Variants in DYNC2H1 observed in about 807,000 individuals in gnomAD.
DYNC2H1 encodes the protein cytoplasmic dynein 2 heavy chain 1.
Under a neutral mutation model 570.0 loss-of-function variants are expected in DYNC2H1, and 410 were observed. The ratio of observed to expected loss-of-function variants is 0.72; its 90% CI spans 0.66 to 0.78. The LOEUF (loss-of-function observed/expected upper bound fraction) is 0.78. Among genes scored for constraint, DYNC2H1 ranks in the 30% least tolerant of loss-of-function variants. The pLI is 0.00. For synonymous variants in DYNC2H1, 1,688 were observed against 1,677.6 expected (o/e 1.01, Z -0.15); for missense variants, 4,865 against 5,046.4 (o/e 0.96, Z 1.09).
At chr11:103,291,778 G>A (rs1866610093) in intron 75 of DYNC2H1, among the ~76,000 whole-genome samples, 1 of 152,126 alleles carries the variant, frequency 6.6e-6, no homozygotes, top group Non-Finnish European at 1.5e-5. Context: ...AAATTCTGCT[G>A]AATTGACTTC....
At chr11:103,124,445 C>CAAA (rs34997507) in intron 11 of DYNC2H1, among the ~76,000 whole-genome samples, 68 of 71,330 alleles carry the variant, frequency 9.5e-4, no homozygotes, top group South Asian at 3.3e-3. Flanking sequence ...TACCCTGTCT[C>CAAA]AAAAAAAAAA....
intron 84 of DYNC2H1, chr11:103,407,575 T>G (rs1039081686): frequency 2.0e-5 from 3 of 151,948 alleles, no homozygotes; most frequent in Admixed American, 6.6e-5. Flanking sequence ...CTGTTGGAAT[T>G]CGTAAAAACA....
chr11:103,392,432 A>T (rs1367113668), intron 83 of DYNC2H1, among the ~76,000 whole-genome samples: 2 of 152,026 alleles, frequency 1.3e-5, no homozygotes, highest in African/African-American at 4.8e-5. Flanking sequence ...GAATTCCCTG[A>T]CCCCTTGCGC....
Position 103,363,959 on chromosome 11 carries a change from A to G in DYNC2H1, c.12156+5600A>G, listed in dbSNP as rs977489588. Reference sequence around the variant, plus strand: ...CCAATGTAATAGGAGTCTTTTTTCCATATGAGGACCTTGAAGCTCCATAAG... The same window carrying G: ...CCAATGTAATAGGAGTCTTTTTTCCGTATGAGGACCTTGAAGCTCCATAAG... On this transcript the variant is annotated intron_variant, in intron 83 of 88. Coordinates refer to ENST00000375735, the MANE Select transcript of DYNC2H1 (RefSeq NM_001377.3). This position sits in a 1 kb window ranked among gnomAD's most constrained non-coding sequence, Gnocchi z 5.6. Among the ~76,000 whole-genome samples, 2 of 152,178 alleles carry G rather than the reference A, an allele frequency of 1.3e-5. No homozygotes were observed. The highest frequency in any genetic ancestry group is 2.4e-5 in the African/African-American group (1 of 41,442).
At chr11:103,347,361 G>A (rs1471946881) in intron 82 of DYNC2H1, among the ~76,000 whole-genome samples, 1 of 152,034 alleles carries the variant, frequency 6.6e-6, no homozygotes, top group Non-Finnish European at 1.5e-5. Context: ...ATATGGACTG[G>A]GTATTATGTG....
rs1011881827 is a variant in DYNC2H1 at position 103,133,415 on chromosome 11, A to G, written c.1954-140A>G. 2.9e-4 allele frequency: 207 copies of G among 714,100 alleles called. 2 individuals carry two copies. Among genetic ancestry groups the G allele is most frequent in the Non-Finnish European group, 2.2e-4 (103 of 464,686 alleles). The allele number at this position is 714,100 out of a possible 1,614,324, so 44.2% of individuals were successfully genotyped here. Reference sequence around the variant, plus strand: ...TCAATCTTTGCCAGACTGCCTTATCATTTATAAAATGGAAAATTATTATGT... The same window carrying G: ...TCAATCTTTGCCAGACTGCCTTATCGTTTATAAAATGGAAAATTATTATGT... On this transcript the variant is annotated intron_variant, in intron 13 of 88. Coordinates refer to ENST00000375735, the MANE Select transcript of DYNC2H1 (RefSeq NM_001377.3). This position sits in a 1 kb window ranked among gnomAD's most constrained non-coding sequence, Gnocchi z 4.8.
At chr11:103,450,907 T>C (rs944007774) in intron 85 of DYNC2H1, among the ~76,000 whole-genome samples, 5 of 152,200 alleles carry the variant, frequency 3.3e-5, no homozygotes, top group African/African-American at 1.2e-4. Context: ...ATTTAAATAA[T>C]GTTTTTATAT....
intron 84 of DYNC2H1, among the ~76,000 whole-genome samples, chr11:103,426,138 A>G (rs1943664029): frequency 6.6e-6 from 1 of 152,218 alleles, no homozygotes; most frequent in South Asian, 2.1e-4. Context: ...CCTGCTGCAG[A>G]TAACTAGTCA....
intron 6 of DYNC2H1, among the ~76,000 whole-genome samples, chr11:103,120,067 A>C (rs1001907099): frequency 6.6e-6 from 1 of 152,234 alleles, no homozygotes; most frequent in Non-Finnish European, 1.5e-5. Context: ...AATTTAATGC[A>C]GAATAATGAA....
Position 103,252,908 on chromosome 11 carries a change from C to T in DYNC2H1, c.10043-377C>T, listed in dbSNP as rs1448853442. Among the ~76,000 whole-genome samples the T allele has an allele frequency of 6.6e-6, 1 of 152,054 alleles. No homozygotes were observed. The highest frequency in any genetic ancestry group is 2.4e-5 in the African/African-American group (1 of 41,410). On this transcript the variant is annotated intron_variant, in intron 65 of 88. Coordinates refer to ENST00000375735, the MANE Select transcript of DYNC2H1 (RefSeq NM_001377.3). The surrounding 1 kb of genome is among the most constrained non-coding windows in gnomAD (Gnocchi z 4.6). The stretch of plus-strand genomic sequence containing the variant: ...GTATCTTAAATACTAGTGCAATAAA[C>T]ACTTTTAAAATGATGAATTTAGAAG...
At chr11:103,122,755 G>C in intron 10 of DYNC2H1, 70 bp from the exon 11 acceptor site, 11 of 1,315,934 alleles carry the variant, frequency 8.4e-6, no homozygotes, top group Non-Finnish European at 1.2e-5. Context: ...TCAGAGAAGG[G>C]GACTCCTTAC....
chr11:103,463,300 A>G lies in DYNC2H1; in HGVS notation c.12649-5289A>G, dbSNP rs112741758. On this transcript the variant is annotated intron_variant, in intron 87 of 88. Transcript: ENST00000375735. The stretch of plus-strand genomic sequence containing the variant: ...GCCGGAAATACAGATAGATTGAGCT[A>G]TAAGTCCAGAATTAGGAAGCAATGA... Among the ~76,000 whole-genome samples the G allele has an allele frequency of 9.6e-3, 1,458 of 152,340 alleles. 10 individuals are homozygous for G. Among genetic ancestry groups the G allele is most frequent in the Middle Eastern group, 0.051 (15 of 294 alleles).
At chr11:103,389,093 G>T (rs1391674866) in intron 83 of DYNC2H1, among the ~76,000 whole-genome samples, 3 of 152,144 alleles carry the variant, frequency 2.0e-5, no homozygotes, top group Non-Finnish European at 4.4e-5. Context: ...GCTCCTCCTT[G>T]TACCTCTGGT....
In DYNC2H1 at chr11:103,205,098, G is replaced by A. The variant is rs994376936; in HGVS notation, c.8454+134G>A. On this transcript the variant is annotated intron_variant, in intron 52 of 88. Transcript: ENST00000375735. The surrounding 1 kb of genome is among the most constrained non-coding windows in gnomAD (Gnocchi z 4.5). ...CCAAACATCTCTTATGTTTGGAAAT[G>A]TCTGTTTTCTTCGTACTCTTGCATC... 9.9e-6 allele frequency: 8 copies of A among 807,140 alleles called. No individual in the cohort carries two copies. In the African/African-American group the frequency reaches 1.4e-4, roughly 14 times the overall value. 50.0% of individuals were successfully genotyped at this position (807,140 alleles called of 1,614,324 possible).
At chr11:103,166,990 C>CTTTTTTTTTT (rs34816989) in intron 31 of DYNC2H1, among the ~76,000 whole-genome samples, 25 of 56,976 alleles carry the variant, frequency 4.4e-4, no homozygotes, top group African/African-American at 5.0e-4. Context: ...GAGGCGCTGC[C>CTTTTTTTTTT]TTTTTTTTTT....
chr11:103,411,048 T>TATC (rs1689340022), intron 84 of DYNC2H1, among the ~76,000 whole-genome samples: 2 of 152,154 alleles, frequency 1.3e-5, no homozygotes, highest in African/African-American at 4.8e-5. Context: ...GGACCAAACC[T>TATC]ATCTGTTTAT....
intron 42 of DYNC2H1, among the ~76,000 whole-genome samples, 180 bp from the exon 43 acceptor site, chr11:103,187,160 T>G (rs1459753380): frequency 6.6e-6 from 1 of 152,106 alleles, no homozygotes; most frequent in Non-Finnish European, 1.5e-5. Context: ...TATGTTTTTC[T>G]AGTCTAAAAG....
In DYNC2H1 at chr11:103,253,942, T is replaced by C. The variant is rs566245339; in HGVS notation, c.10206+494T>C. Among the ~76,000 whole-genome samples, 20 of 152,260 alleles carry C rather than the reference T, an allele frequency of 1.3e-4. No individual in the cohort carries two copies. In the South Asian group the frequency reaches 4.1e-3, roughly 32 times the overall value. On this transcript the variant is annotated intron_variant, in intron 66 of 88. Transcript: ENST00000375735. ...AATTATTACATAAATTTCAAAATGA[T>C]TTTTCATGTCCATACTCACATGTTT...
In DYNC2H1 at chr11:103,283,079, A is replaced by G. The variant is rs371844948; in HGVS notation, c.10884A>G (p.Thr3628=). The G allele has an allele frequency of 6.9e-6, 11 of 1,604,372 alleles. No individual in the cohort carries two copies. The Middle Eastern group carries it at 5.0e-4, about 73-fold the overall frequency. The stretch of plus-strand genomic sequence containing the variant: ...AGGAACGAAGCTGGGCCGTGGCAAC[A>G]TTAAAGGTATTCCTTTTCTACTATG... ...IDQERSWAVA[T]LKIALPSLYQ... The change falls in exon 73 of 89, where the codon ACA becomes ACG. Residue 3628 remains threonine, a synonymous_variant. Coordinates refer to ENST00000375735, the MANE Select transcript of DYNC2H1 (RefSeq NM_001377.3).
Sources: allele counts gnomAD v4.1 joint callset (sites outside exome capture counted in the v4.1 genomes callset), GRCh38; gene constraint gnomAD v4.1.1; non-coding constraint Gnocchi (gnomAD v3.1); transcripts MANE v1.5; gene names NCBI Gene and HGNC (gene_info 2026-07-23, HGNC 2026-07-21).